The following LRP1B variants were observed in gnomAD, a reference collection of about 807,000 sequenced individuals.
LRP1B encodes LDL receptor related protein 1B, also known as low-density lipoprotein receptor-related protein 1B.
A neutral mutation model predicts 556.6 loss-of-function variants in LRP1B; 217 were observed. That is an observed-to-expected ratio of 0.39 (90% CI 0.35 to 0.44). The LOEUF (loss-of-function observed/expected upper bound fraction) is 0.44, where lower values mean the gene tolerates loss of function less well. Among genes scored for constraint, LRP1B ranks in the 20% least tolerant of loss-of-function variants. The pLI, the probability that LRP1B is intolerant of heterozygous loss-of-function variation, is 1.00. For synonymous variants in LRP1B, 2,047 were observed against 1,865.8 expected (o/e 1.10, Z -2.50); for missense variants, 5,053 against 5,620.8 (o/e 0.90, Z 3.23).
intron 1 of LRP1B, among the ~76,000 whole-genome samples, chr2:141,937,779 G>C (rs1449373184): frequency 6.6e-6 from 1 of 152,096 alleles, no homozygotes. Context: ...CCAAAGTCAA[G>C]AAGCTTATCC....
chr2:140,801,775 G>A (rs1690522068), intron 32 of LRP1B, among the ~76,000 whole-genome samples: 1 of 152,110 alleles, frequency 6.6e-6, no homozygotes, highest in African/African-American at 2.4e-5. Flanking sequence ...CTTTGAAAGT[G>A]GCTAAGTAGG....
intron 75 of LRP1B, among the ~76,000 whole-genome samples, chr2:140,354,023 C>G (rs1398621071): frequency 6.6e-6 from 1 of 152,000 alleles, no homozygotes; most frequent in Non-Finnish European, 1.5e-5. Flanking sequence ...AGTCATGTAG[C>G]TTGGCACATG....
At chr2:142,075,697 C>T (rs973453116) in intron 1 of LRP1B, among the ~76,000 whole-genome samples, 2 of 152,012 alleles carry the variant, frequency 1.3e-5, no homozygotes, top group Admixed American at 6.6e-5. Flanking sequence ...CCTGTGCTCT[C>T]AATCTCTCTC....
At chr2:140,793,353 T>C (rs1301158141) in intron 32 of LRP1B, among the ~76,000 whole-genome samples, 3 of 152,030 alleles carry the variant, frequency 2.0e-5, no homozygotes, top group Admixed American at 2.0e-4. Flanking sequence ...AAACTAGCAC[T>C]TTAATCTGGT....
At chr2:141,773,521 A>G (rs572645149) in intron 2 of LRP1B, among the ~76,000 whole-genome samples, 1 of 152,356 alleles carries the variant, frequency 6.6e-6, no homozygotes, top group East Asian at 1.9e-4. Context: ...GGATCAGAGG[A>G]CAAGGTGAAT....
intron 83 of LRP1B, among the ~76,000 whole-genome samples, chr2:140,311,320 T>TAC (rs1558791306): frequency 6.6e-6 from 1 of 151,840 alleles, no homozygotes; most frequent in South Asian, 2.1e-4. Flanking sequence ...AAACGTGGCA[T>TAC]ACACACACAC....
intron 45 of LRP1B, among the ~76,000 whole-genome samples, chr2:140,539,676 G>C (rs115907810): frequency 6.6e-6 from 1 of 152,046 alleles, no homozygotes. Flanking sequence ...TGATTCTAAC[G>C]CATGGCTAAC....
At chr2:141,032,511 A>C (rs564776850) in intron 11 of LRP1B, among the ~76,000 whole-genome samples, 1 of 151,988 alleles carries the variant, frequency 6.6e-6, no homozygotes, top group Non-Finnish European at 1.5e-5. Flanking sequence ...TCAATCTTTC[A>C]TTCTTTAATC....
intron 2 of LRP1B, among the ~76,000 whole-genome samples, chr2:141,698,639 C>T (rs1691823020): frequency 6.6e-6 from 1 of 151,512 alleles, no homozygotes; most frequent in South Asian, 2.1e-4. Context: ...TAAACCCCTT[C>T]TTGAATTTCT....
At chr2:140,457,372 A>T in intron 61 of LRP1B, 91 bp downstream of exon 61, 1 of 1,042,206 alleles carries the variant, frequency 9.6e-7, no homozygotes, top group Non-Finnish European at 1.4e-6. Flanking sequence ...TTCATCAAAA[A>T]TAAAATTACA....
rs75290554 is a variant in LRP1B at position 141,657,884 on chromosome 2, A to T, written c.205+152395T>A. Among the ~76,000 whole-genome samples the T allele has an allele frequency of 1.4e-3, 211 of 152,328 alleles. 1 individual carries two copies. The highest frequency in any genetic ancestry group is 4.9e-3 in the African/African-American group (203 of 41,584). ...AAATCAGCATTCCACATACGCTGAA[A>T]CATACATTCATTTTGCCTTCTGCTC... is the stretch of plus-strand genomic sequence containing the variant. On this transcript the variant is annotated intron_variant, in intron 2 of 90. Coordinates refer to ENST00000389484, the MANE Select transcript of LRP1B (RefSeq NM_018557.3).
rs140277123 is a variant in LRP1B at position 141,248,965 on chromosome 2, T to C, written c.464-1611A>G. On this transcript the variant is annotated intron_variant, in intron 4 of 90. Coordinates refer to ENST00000389484, the MANE Select transcript of LRP1B (RefSeq NM_018557.3). ...ACAACATTTGAAAAATGATTGGATG[T>C]GACAGAAGTGAAAATTGATTGAATT... 6.5e-3 allele frequency among the ~76,000 whole-genome samples: 990 copies of C among 152,302 alleles called. 4 individuals are homozygous for C. Among genetic ancestry groups the C allele is most frequent in the Non-Finnish European group, 0.011 (761 of 68,026 alleles).
chr2:141,692,976 T>C (rs1691601729), intron 2 of LRP1B, among the ~76,000 whole-genome samples: 1 of 151,914 alleles, frequency 6.6e-6, no homozygotes, highest in South Asian at 2.1e-4. Context: ...CAAGGGAAAA[T>C]GAGAGATCCA....
rs948389890 is a variant in LRP1B, at chr2:142,068,090, C to T, written c.82+62558G>A. The stretch of plus-strand genomic sequence containing the variant: ...TTCCCACTCTTGACCAGTAGCTTCT[C>T]GTGGGAAGATTTTTAAACATTCTGC... On this transcript the variant is annotated intron_variant, in intron 1 of 90. Transcript: ENST00000389484. 6.6e-5 allele frequency among the ~76,000 whole-genome samples: 10 copies of T among 151,328 alleles called. No homozygotes were observed. In the Admixed American group the frequency reaches 6.6e-4, roughly 10 times the overall value.
Position 141,959,442 on chromosome 2 carries a change from A to C in LRP1B, c.83-149041T>G, listed in dbSNP as rs1183645552. Among the ~76,000 whole-genome samples, 5 of 151,976 alleles carry C rather than the reference A, an allele frequency of 3.3e-5. No homozygotes were observed. In the South Asian group the frequency reaches 1.0e-3, roughly 31 times the overall value. On this transcript the variant is annotated intron_variant, in intron 1 of 90. Transcript: ENST00000389484. The stretch of plus-strand genomic sequence containing the variant: ...GTTCGCTGTGTGTAGTTAATGCGTC[A>C]ATCTAGTCATTTTCTAACATTTGTG...
intron 2 of LRP1B, among the ~76,000 whole-genome samples, chr2:141,535,019 GT>G (rs1438211186): frequency 6.6e-6 from 1 of 152,098 alleles, no homozygotes; most frequent in South Asian, 2.1e-4. Flanking sequence ...GGCCTGGGTT[GT>G]TTTTAACTTT....
At chr2:140,841,226 TA>T (rs1161389435) in intron 29 of LRP1B, 134 bp from the exon 30 acceptor site, 2 of 582,914 alleles carry the variant, frequency 3.4e-6, no homozygotes, top group Non-Finnish European at 5.9e-6. Flanking sequence ...CACAAGATTG[TA>T]ATCTCATTCC....
intron 89 of LRP1B, among the ~76,000 whole-genome samples, chr2:140,236,915 T>G (rs1412950729): frequency 6.6e-6 from 1 of 150,938 alleles, no homozygotes; most frequent in Non-Finnish European, 1.5e-5. Flanking sequence ...TTATACATAT[T>G]TATGAGATAC....
At chr2:140,451,059 A>C (rs1008811833) in intron 62 of LRP1B, among the ~76,000 whole-genome samples, 2 of 152,282 alleles carry the variant, frequency 1.3e-5, no homozygotes, top group Middle Eastern at 3.4e-3. Flanking sequence ...CTCCCACCTC[A>C]GCCTCCAGAG....
Sources: gnomAD v4.1 joint callset for allele counts (sites outside exome capture counted in the v4.1 genomes callset) on GRCh38, gnomAD v4.1.1 for gene constraint, MANE v1.5 for transcripts, NCBI Gene and HGNC (gene_info 2026-07-23, HGNC 2026-07-21) for gene names.